Variants in ARHGEF3 observed in about 807,000 individuals in gnomAD.
The protein encoded by ARHGEF3 is Rho guanine nucleotide exchange factor 3.
ARHGEF3 carries 28 observed loss-of-function variants against 63.2 expected under a neutral mutation model. The ratio of observed to expected loss-of-function variants is 0.44; its 90% CI spans 0.33 to 0.61. The LOEUF (loss-of-function observed/expected upper bound fraction) is 0.61, where lower values mean the gene tolerates loss of function less well. ARHGEF3 is among the 20% of genes least tolerant of loss of function. The pLI is 0.03. For synonymous variants in ARHGEF3, 266 were observed against 254.2 expected, an observed-to-expected ratio of 1.05 and a Z score of -0.44; for missense variants, 533 against 659.3, an observed-to-expected ratio of 0.81 and a Z score of 2.10.
At chr3:57,035,406 G>A (rs1427604983) in intron 1 of ARHGEF3, among the ~76,000 whole-genome samples, 1 of 152,152 alleles carries the variant, frequency 6.6e-6, no homozygotes, top group Admixed American at 6.5e-5. Flanking sequence ...CTGCAGTGCA[G>A]TGGCACAATC....
intron 3 of ARHGEF3, among the ~76,000 whole-genome samples, chr3:56,909,590 A>C (rs1283892933): frequency 6.6e-6 from 1 of 152,224 alleles, no homozygotes; most frequent in Non-Finnish European, 1.5e-5. Flanking sequence ...ATAAGATGAA[A>C]CAATCCCTGT....
intron 3 of ARHGEF3, among the ~76,000 whole-genome samples, chr3:56,930,298 A>G (rs2042377122): frequency 6.6e-6 from 1 of 152,206 alleles, no homozygotes; most frequent in Non-Finnish European, 1.5e-5. Context: ...GCTGTAAGCA[A>G]CAATAGTTGC....
chr3:56,882,827 C>T (rs774451089), intron 3 of ARHGEF3, among the ~76,000 whole-genome samples: 2 of 152,124 alleles, frequency 1.3e-5, no homozygotes, highest in Non-Finnish European at 2.9e-5. Context: ...TATAAATGAA[C>T]ACTTCTAAGA....
At chr3:56,964,698 T>C (rs954172504) in intron 2 of ARHGEF3, among the ~76,000 whole-genome samples, 1 of 151,864 alleles carries the variant, frequency 6.6e-6, no homozygotes, top group Non-Finnish European at 1.5e-5. Flanking sequence ...TTTTAAGTGG[T>C]AGTGAGGAGT....
At chr3:56,851,532 T>G (rs113368151) in intron 4 of ARHGEF3, among the ~76,000 whole-genome samples, 28 of 151,606 alleles carry the variant, frequency 1.8e-4, no homozygotes, top group African/African-American at 6.1e-4. Context: ...GGACTACAGG[T>G]GCACACCACC....
At chr3:56,914,447 A>C (rs2041933775) in intron 3 of ARHGEF3, among the ~76,000 whole-genome samples, 1 of 152,212 alleles carries the variant, frequency 6.6e-6, no homozygotes, top group African/African-American at 2.4e-5. Context: ...AAAACTGTTT[A>C]ATGTGGGGCA....
chr3:56,813,088 A>C (rs930713732), intron 4 of ARHGEF3, among the ~76,000 whole-genome samples: 5 of 152,242 alleles, frequency 3.3e-5, no homozygotes, highest in African/African-American at 4.8e-5. Flanking sequence ...GTGCCAGGAA[A>C]ATGCAATAAG....
Position 56,727,552 on chromosome 3 carries a change from C to T in ARHGEF3, c.*1718G>A, listed in dbSNP as rs1313824375. Reference sequence around the variant, plus strand: ...ACACTTGACAAACCTCTTTTCCCAACACACTGGCTGATGGCTTCTAAAAGT... The same window carrying T: ...ACACTTGACAAACCTCTTTTCCCAATACACTGGCTGATGGCTTCTAAAAGT... On this transcript the variant is annotated 3_prime_UTR_variant, in exon 10 of 10. Transcript: ENST00000296315. The T allele has an allele frequency of 6.6e-6, 1 of 152,666 alleles. No individual in the cohort carries two copies. The highest frequency in any genetic ancestry group is 2.4e-5 in the African/African-American group (1 of 41,462). 9.5% of individuals were successfully genotyped at this position (152,666 alleles called of 1,614,324 possible).
At chr3:56,824,001 A>C (rs530877756) in intron 4 of ARHGEF3, among the ~76,000 whole-genome samples, 3,384 of 148,530 alleles carry the variant, frequency 0.023, 63 homozygotes, top group Middle Eastern at 0.044. Context: ...AAAAAAAAAA[A>C]AAAACAGAAC....
At chr3:56,759,217 G>T (rs565123167) in intron 2 of ARHGEF3, among the ~76,000 whole-genome samples, 4 of 133,954 alleles carry the variant, frequency 3.0e-5, no homozygotes, top group Non-Finnish European at 4.6e-5. Context: ...TCGCTCTGTC[G>T]CCCAGGCTGG....
chr3:56,912,492 C>T (rs1371386847), intron 3 of ARHGEF3, among the ~76,000 whole-genome samples: 2 of 152,178 alleles, frequency 1.3e-5, no homozygotes, highest in Admixed American at 1.3e-4. Flanking sequence ...AAACCTGATC[C>T]ACTACTTAAC....
At chr3:56,960,426 T>C (rs1207354105) in intron 2 of ARHGEF3, among the ~76,000 whole-genome samples, 1 of 152,216 alleles carries the variant, frequency 6.6e-6, no homozygotes, top group African/African-American at 2.4e-5. Context: ...GCTTAATTTC[T>C]TGAGCTTTGG....
intron 2 of ARHGEF3, among the ~76,000 whole-genome samples, chr3:56,760,862 C>G (rs2035375711): frequency 6.6e-6 from 1 of 152,110 alleles, no homozygotes; most frequent in Non-Finnish European, 1.5e-5. Flanking sequence ...GATATCTGAC[C>G]AATCAAATTT....
At chr3:57,058,385 A>T (rs1433650360) in intron 1 of ARHGEF3, among the ~76,000 whole-genome samples, 1 of 152,200 alleles carries the variant, frequency 6.6e-6, no homozygotes. Context: ...CGTCCAGCAA[A>T]ATGAGTGATA....
At chr3:57,046,997 T>C (rs1704480890) in intron 1 of ARHGEF3, among the ~76,000 whole-genome samples, 1 of 152,224 alleles carries the variant, frequency 6.6e-6, no homozygotes, top group South Asian at 2.1e-4. Context: ...TATTAAAACA[T>C]CTATATTGCA....
At chr3:56,968,044 A>T (rs9682717) in intron 2 of ARHGEF3, among the ~76,000 whole-genome samples, 1 of 4,704 alleles carries the variant, frequency 2.1e-4, no homozygotes. Flanking sequence ...TATATATAAA[A>T]TATATATAAT....
chr3:56,925,455 AC>A (rs1270596112), intron 3 of ARHGEF3, among the ~76,000 whole-genome samples: 14 of 152,200 alleles, frequency 9.2e-5, no homozygotes, highest in African/African-American at 3.4e-4. Context: ...CATGCCTTAT[AC>A]CCCACCATCG....
chr3:56,868,525 G>A (rs1004704344), intron 4 of ARHGEF3, among the ~76,000 whole-genome samples: 2 of 151,944 alleles, frequency 1.3e-5, no homozygotes, highest in Non-Finnish European at 2.9e-5. Context: ...ACCACATCCG[G>A]CTAATTTTTA....
chr3:57,067,199 C>A (rs988491941), intron 1 of ARHGEF3, among the ~76,000 whole-genome samples: 3 of 152,140 alleles, frequency 2.0e-5, no homozygotes, highest in Admixed American at 6.6e-5. Context: ...CGCCTGTAAT[C>A]CCAGTACTTT....
Sources: gnomAD v4.1 joint callset for allele counts (sites outside exome capture counted in the v4.1 genomes callset) on GRCh38, gnomAD v4.1.1 for gene constraint, MANE v1.5 for transcripts, NCBI Gene and HGNC (gene_info 2026-07-23, HGNC 2026-07-21) for gene names.